DCLK2: variants seen among roughly 807,000 people sequenced by gnomAD.
DCLK2 encodes serine/threonine-protein kinase DCLK2.
A neutral mutation model predicts 78.4 loss-of-function variants in DCLK2; 31 were observed. The observed-to-expected ratio is 0.40, with a 90% CI of 0.30 to 0.53. The LOEUF (loss-of-function observed/expected upper bound fraction) is 0.53. DCLK2 is among the 20% of genes least tolerant of loss of function. The probability of loss-of-function intolerance (pLI) is 0.61; values close to 1 mark genes in which losing one functional copy is unlikely to be tolerated. For missense variants in DCLK2, 872 were observed against 973.7 expected, an observed-to-expected ratio of 0.90 and a Z score of 1.39; for synonymous variants, 407 against 374.9, an observed-to-expected ratio of 1.09 and a Z score of -0.99.
chr4:150,112,066 A>G (rs1230709403), intron 2 of DCLK2, among the ~76,000 whole-genome samples: 1 of 152,054 alleles, frequency 6.6e-6, no homozygotes, highest in African/African-American at 2.4e-5. Flanking sequence ...GCATATGATC[A>G]TTATGATAAT....
At position 150,078,936 on chromosome 4, in the gene DCLK2, A is replaced by G; in HGVS notation, c.-92A>G. On this transcript the variant is annotated 5_prime_UTR_variant, in exon 1 of 16. An upstream open reading frame in the 5' UTR loses its in-frame stop. Transcript: ENST00000296550. ...CCAGAGCCAGGTGTCCCGGCGCGTT[A>G]AGGGCCCTCGCAGTCAGACGTCCCT... The G allele has an allele frequency of 7.2e-7, 1 of 1,394,268 alleles. No individual in the cohort carries two copies. 86.4% of individuals were successfully genotyped at this position (1,394,268 alleles called of 1,614,324 possible). A position where few individuals can be genotyped will look rare whatever the true frequency, so the allele number is the denominator to read the frequency against.
At chr4:150,227,608 A>G (rs1339408948) in intron 8 of DCLK2, among the ~76,000 whole-genome samples, 1 of 152,202 alleles carries the variant, frequency 6.6e-6, no homozygotes, top group Non-Finnish European at 1.5e-5. Flanking sequence ...GGAGATTATT[A>G]CAAGAGCTGC....
intron 2 of DCLK2, among the ~76,000 whole-genome samples, chr4:150,117,625 G>T (rs1214578753): frequency 1.3e-5 from 2 of 152,158 alleles, no homozygotes; most frequent in African/African-American, 4.8e-5. Flanking sequence ...ATCAGAAATG[G>T]CTTCCCTCCA....
intron 2 of DCLK2, among the ~76,000 whole-genome samples, chr4:150,104,739 T>C (rs973304903): frequency 6.6e-6 from 1 of 151,144 alleles, no homozygotes; most frequent in Non-Finnish European, 1.5e-5. Flanking sequence ...AGTTAAATAT[T>C]TAGTAATAAA....
chr4:150,133,053 C>T (rs769566022), intron 2 of DCLK2, among the ~76,000 whole-genome samples: 37 of 152,162 alleles, frequency 2.4e-4, no homozygotes, highest in Non-Finnish European at 3.4e-4. Context: ...TTATTACTCA[C>T]GACTTAAAAA....
At chr4:150,101,278 T>C (rs1203200152) in intron 1 of DCLK2, among the ~76,000 whole-genome samples, 3 of 152,046 alleles carry the variant, frequency 2.0e-5, no homozygotes, top group African/African-American at 7.2e-5. Flanking sequence ...TAAATAAAAA[T>C]AAAATCTTCT....
At chr4:150,149,281 TGAA>T (rs1299131092) in intron 2 of DCLK2, among the ~76,000 whole-genome samples, 2 of 152,176 alleles carry the variant, frequency 1.3e-5, no homozygotes, top group Non-Finnish European at 2.9e-5. Context: ...TAATTTCTAT[TGAA>T]AAACTTCATT....
chr4:150,097,280 A>G (rs1730536621), intron 1 of DCLK2, among the ~76,000 whole-genome samples: 1 of 149,634 alleles, frequency 6.7e-6, no homozygotes, highest in African/African-American at 2.5e-5. Flanking sequence ...CTAGTGTTTC[A>G]GCCTCCGGGT....
At chr4:150,175,181 T>TATATA in intron 2 of DCLK2, among the ~76,000 whole-genome samples, 1 of 126,398 alleles carries the variant, frequency 7.9e-6, no homozygotes, top group East Asian at 2.1e-4. Context: ...TATTTATATA[T>TATATA]ATTTATAATT....
chr4:150,228,423 G>A (rs565882160), intron 8 of DCLK2, among the ~76,000 whole-genome samples: 7 of 152,326 alleles, frequency 4.6e-5, no homozygotes, highest in East Asian at 3.9e-4. Flanking sequence ...AGCACAGTGC[G>A]TGATGTGTCT....
Position 150,249,724 on chromosome 4 carries a change from G to A in DCLK2, c.2073+40G>A, listed in dbSNP as rs542547336. On this transcript the variant is annotated intron_variant, in intron 15 of 15. Transcript: ENST00000296550. ...GCAGGTCTGGCCTGACTGCGGAGCC[G>A]GCCTTGAAGTTTTTGAATTAGGTAG... is the stretch of plus-strand genomic sequence containing the variant. 28 of 1,551,816 alleles carry A rather than the reference G, an allele frequency of 1.8e-5. No homozygotes were observed. The South Asian group carries it at 2.1e-4, about 12-fold the overall frequency.
chr4:150,181,036 G>A (rs963201211), intron 2 of DCLK2, among the ~76,000 whole-genome samples: 3 of 152,106 alleles, frequency 2.0e-5, no homozygotes, highest in African/African-American at 7.2e-5. Flanking sequence ...CAGTCTACTA[G>A]CATTATGTCA....
At chr4:150,254,495 G>C (rs1340983695) in intron 15 of DCLK2, 1 of 398,656 alleles carries the variant, frequency 2.5e-6, no homozygotes, top group Non-Finnish European at 4.4e-6. Context: ...CTGTGCTTCT[G>C]ACAGGAAGAG....
intron 5 of DCLK2, among the ~76,000 whole-genome samples, chr4:150,205,877 C>T (rs1739805556): frequency 6.6e-6 from 1 of 152,212 alleles, no homozygotes; most frequent in South Asian, 2.1e-4. Flanking sequence ...TATTCCTCCC[C>T]CAGGCCATTG....
chr4:150,224,191 T>C (rs979146715), intron 7 of DCLK2, among the ~76,000 whole-genome samples: 1 of 152,122 alleles, frequency 6.6e-6, no homozygotes, highest in Non-Finnish European at 1.5e-5. Context: ...TTGGGTACCT[T>C]TGTCCCCTGA....
intron 5 of DCLK2, among the ~76,000 whole-genome samples, chr4:150,207,322 G>C (rs539093623): frequency 1.6e-3 from 249 of 152,268 alleles, no homozygotes; most frequent in African/African-American, 5.9e-3. Flanking sequence ...AACTAAATAA[G>C]GTTAAGGGTA....
rs573524336 is a variant in DCLK2 at position 150,117,463 on chromosome 4, C to T, written c.756+14651C>T. Among the ~76,000 whole-genome samples the T allele has an allele frequency of 2.4e-4, 37 of 152,292 alleles. 1 individual carries two copies. The South Asian group carries it at 3.3e-3, about 14-fold the overall frequency. On this transcript the variant is annotated intron_variant, in intron 2 of 15. Transcript: ENST00000296550. ...TGCCCAGCTCCTGTGCTCATGGCTG[C>T]AGCACACTTCCCACTCACCCCTTGG...
At chr4:150,250,147 AAC>A (rs1445875179) in intron 15 of DCLK2, among the ~76,000 whole-genome samples, 1 of 152,216 alleles carries the variant, frequency 6.6e-6, no homozygotes, top group African/African-American at 2.4e-5. Context: ...TGTTTTATAA[AAC>A]ACAGTTTGGG....
At chr4:150,167,043 G>A (rs952689514) in intron 2 of DCLK2, among the ~76,000 whole-genome samples, 1 of 152,164 alleles carries the variant, frequency 6.6e-6, no homozygotes, top group African/African-American at 2.4e-5. Context: ...ACTTACTGGG[G>A]TGGGGTCGAG....
Sources: allele counts gnomAD v4.1 joint callset (sites outside exome capture counted in the v4.1 genomes callset), GRCh38; gene constraint gnomAD v4.1.1; transcripts MANE v1.5; gene names NCBI Gene and HGNC (gene_info 2026-07-23, HGNC 2026-07-21).